RPS6KA2: variants seen among roughly 807,000 people sequenced by gnomAD.
The protein encoded by RPS6KA2 is ribosomal protein S6 kinase alpha-2.
In RPS6KA2, 42 loss-of-function variants were observed where a neutral mutation model predicts 91.8. The observed-to-expected ratio is 0.46, with a 90% CI of 0.36 to 0.59. RPS6KA2 has a LOEUF of 0.59. Ranked by LOEUF, RPS6KA2 falls within the 20% of genes least tolerant of loss-of-function variation. The pLI is 0.00. For missense variants in RPS6KA2, 798 were observed against 978.5 expected (o/e 0.82, Z 2.46); for synonymous variants, 414 against 393.6 (o/e 1.05, Z -0.61).
intron 2 of RPS6KA2, among the ~76,000 whole-genome samples, chr6:166,805,526 A>C (rs1403186645): frequency 2.6e-5 from 4 of 152,232 alleles, no homozygotes; most frequent in Non-Finnish European, 5.9e-5. Flanking sequence ...ATTACACAGC[A>C]ACCATGCATG....
chr6:166,787,553 CTCT>C (rs1306821973), intron 2 of RPS6KA2, among the ~76,000 whole-genome samples: 1 of 151,998 alleles, frequency 6.6e-6, no homozygotes, highest in Non-Finnish European at 1.5e-5. Context: ...AAGTTACTGT[CTCT>C]TCTTTATTAC....
intron 3 of RPS6KA2, among the ~76,000 whole-genome samples, chr6:166,513,220 A>G (rs1782530705): frequency 6.6e-6 from 1 of 152,214 alleles, no homozygotes; most frequent in Non-Finnish European, 1.5e-5. Context: ...CTAGACAGGC[A>G]TCGAGTAGGC....
At chr6:166,442,480 G>A (rs1370753980) in intron 14 of RPS6KA2, among the ~76,000 whole-genome samples, 2 of 152,194 alleles carry the variant, frequency 1.3e-5, no homozygotes, top group East Asian at 1.9e-4. Flanking sequence ...TAATTACACC[G>A]TGGGATGCTG....
At position 166,563,499 on chromosome 6, in the gene RPS6KA2, G is replaced by A. The variant is rs986336217; in HGVS notation, c.100-24715C>T. ...GGGCTGCGGCTCCCCCAGATGCCCAGCCTCAGCCTCCTGAGTGCTGTGCCT... is the reference window on the plus strand; with the variant it reads ...GGGCTGCGGCTCCCCCAGATGCCCAACCTCAGCCTCCTGAGTGCTGTGCCT... On this transcript the variant is annotated intron_variant, in intron 1 of 20. Coordinates refer to ENST00000265678, the MANE Select transcript of RPS6KA2 (RefSeq NM_021135.6). This position sits in a 1 kb window ranked among gnomAD's most constrained non-coding sequence, Gnocchi z 4.1. Among the ~76,000 whole-genome samples, 2 of 151,360 alleles carry A rather than the reference G, an allele frequency of 1.3e-5. No homozygotes were observed. Among genetic ancestry groups the A allele is most frequent in the Non-Finnish European group, 2.9e-5 (2 of 67,866 alleles).
At chr6:166,782,440 G>A (rs1381213340) in intron 2 of RPS6KA2, among the ~76,000 whole-genome samples, 1 of 152,146 alleles carries the variant, frequency 6.6e-6, no homozygotes, top group African/African-American at 2.4e-5. Context: ...TTTGAAGATG[G>A]AGACTCGGGT....
intron 20 of RPS6KA2, 22 bp downstream of exon 20, chr6:166,413,772 C>T (rs775894381): frequency 8.1e-6 from 13 of 1,607,750 alleles, no homozygotes; most frequent in African/African-American, 1.4e-5. Flanking sequence ...ACCACTCTGT[C>T]CTCACTGTCG....
chr6:166,634,149 G>T (rs1787164187), intron 2 of RPS6KA2, among the ~76,000 whole-genome samples: 1 of 152,236 alleles, frequency 6.6e-6, no homozygotes, highest in Non-Finnish European at 1.5e-5. Context: ...TTGCATTTGA[G>T]AAAGTTCTCC....
chr6:166,593,232 TAATAC>T (rs1388187187), intron 1 of RPS6KA2, among the ~76,000 whole-genome samples: 2 of 151,990 alleles, frequency 1.3e-5, no homozygotes, highest in African/African-American at 2.4e-5. Flanking sequence ...TCTTTATAGG[TAATAC>T]CAGAGCTAAA....
intron 2 of RPS6KA2, among the ~76,000 whole-genome samples, chr6:166,791,041 A>G (rs1300608106): frequency 1.3e-5 from 2 of 152,232 alleles, no homozygotes; most frequent in African/African-American, 4.8e-5. Flanking sequence ...AATGGGCTAA[A>G]TGCTCCAATT....
In RPS6KA2 at chr6:166,495,343, C is replaced by T. The variant is rs946999336; in HGVS notation, c.747+3165G>A. The stretch of plus-strand genomic sequence containing the variant: ...GGAGCCGGACCCCTTCCCCAGCTGT[C>T]ACGAGACATTGAATGCGGGACGATC... On this transcript the variant is annotated intron_variant, in intron 8 of 20. Coordinates refer to ENST00000265678, the MANE Select transcript of RPS6KA2 (RefSeq NM_021135.6). This position sits in a 1 kb window ranked among gnomAD's most constrained non-coding sequence, Gnocchi z 4.4. Among the ~76,000 whole-genome samples, 1 of 152,188 alleles carries T rather than the reference C, an allele frequency of 6.6e-6. No individual in the cohort carries two copies. The highest frequency in any genetic ancestry group is 2.4e-5 in the African/African-American group (1 of 41,432).
intron 2 of RPS6KA2, among the ~76,000 whole-genome samples, chr6:166,777,153 G>A (rs504329): frequency 0.088 from 13,393 of 152,196 alleles, 1,228 homozygotes; most frequent in African/African-American, 0.23. Context: ...AGCAGGGAGC[G>A]CAAAGCCTGG....
intron 2 of RPS6KA2, among the ~76,000 whole-genome samples, chr6:166,674,098 C>T (rs940997889): frequency 2.0e-5 from 3 of 152,322 alleles, no homozygotes; most frequent in African/African-American, 2.4e-5. Flanking sequence ...AAATTGTGTA[C>T]TGGTACTCTT....
In RPS6KA2 at chr6:166,423,755, G is replaced by C. The variant is rs1255718498; in HGVS notation, c.1582-338C>G. On this transcript the variant is annotated intron_variant, in intron 16 of 20. Transcript: ENST00000265678. This position sits in a 1 kb window ranked among gnomAD's most constrained non-coding sequence, Gnocchi z 4.8. The stretch of plus-strand genomic sequence containing the variant: ...GGAAATGTGGTGAGCTCTGGAGATA[G>C]GAATGAAAAGCATTTTAAAGATGAT... 5.2e-5 allele frequency: 11 copies of C among 210,328 alleles called. No individual in the cohort carries two copies. Among genetic ancestry groups the C allele is most frequent in the Non-Finnish European group, 9.5e-6 (1 of 105,718 alleles). The allele number at this position is 210,328 out of a possible 1,614,324, so 13.0% of individuals were successfully genotyped here. A position where few individuals can be genotyped will look rare whatever the true frequency, so the allele number is the denominator to read the frequency against.
chr6:166,549,432 C>A (rs943539350), intron 1 of RPS6KA2, among the ~76,000 whole-genome samples: 4 of 150,634 alleles, frequency 2.7e-5, no homozygotes, highest in Non-Finnish European at 5.9e-5. Flanking sequence ...AATGGTTCAA[C>A]AAGCTGCAGT....
intron 2 of RPS6KA2, among the ~76,000 whole-genome samples, chr6:166,812,153 C>T (rs773421309): frequency 3.9e-5 from 6 of 152,072 alleles, no homozygotes; most frequent in African/African-American, 7.2e-5. Context: ...GTCAGGAGTT[C>T]GAGACCAGCC....
In RPS6KA2 at chr6:166,733,178, C is replaced by T. The variant is rs1306921350; in HGVS notation, c.123+125022G>A. Among the ~76,000 whole-genome samples the T allele has an allele frequency of 2.0e-5, 3 of 152,158 alleles. No homozygotes were observed. In the East Asian group the frequency reaches 5.8e-4, roughly 29 times the overall value. On this transcript the variant is annotated intron_variant, in intron 2 of 21. Transcript: ENST00000503859. The surrounding 1 kb of genome is among the most constrained non-coding windows in gnomAD (Gnocchi z 4.1). ...CTTCAGAACATGATATCAAATTATA[C>T]TTGGATGTCACATTATCGGCCAGAA...
chr6:166,480,479 T>TTATATATATATATATATATATATATATA (rs3066214), intron 10 of RPS6KA2, among the ~76,000 whole-genome samples: 3 of 99,858 alleles, frequency 3.0e-5, no homozygotes, highest in African/African-American at 1.4e-4. Flanking sequence ...GATTGTGATT[T>TTATATATATATATATATATATATATATA]TATATATATA....
chr6:166,506,106 G>C (rs1307900552), intron 5 of RPS6KA2, among the ~76,000 whole-genome samples: 1 of 151,844 alleles, frequency 6.6e-6, no homozygotes. Flanking sequence ...GCTAAATGAC[G>C]ACCCAAGGTG....
rs139784070 is a variant in RPS6KA2, at chr6:166,742,673, T to C, written c.123+115527A>G. Among the ~76,000 whole-genome samples, 3 of 152,326 alleles carry C rather than the reference T, an allele frequency of 2.0e-5. No individual in the cohort carries two copies. In the East Asian group the frequency reaches 5.8e-4, roughly 29 times the overall value. ...CCAGCAACACCTTCCTCTTCTGTGC[T>C]TCTCTCCACTGCACCCACCAACATG... is the stretch of plus-strand genomic sequence containing the variant. On this transcript the variant is annotated intron_variant, in intron 2 of 21. Coordinates refer to the RPS6KA2 transcript ENST00000503859.
Sources: allele counts gnomAD v4.1 joint callset (sites outside exome capture counted in the v4.1 genomes callset), GRCh38; gene constraint gnomAD v4.1.1; non-coding constraint Gnocchi (gnomAD v3.1); transcripts MANE v1.5; gene names NCBI Gene and HGNC (gene_info 2026-07-23, HGNC 2026-07-21).